Variants in SEMA5A observed in about 807,000 individuals in gnomAD.
SEMA5A encodes semaphorin-5A.
Under a neutral mutation model 135.5 loss-of-function variants are expected in SEMA5A, and 55 were observed. That is an observed-to-expected ratio of 0.41 (90% CI 0.33 to 0.51). The LOEUF is 0.51. Ranked by LOEUF, SEMA5A falls within the 20% of genes least tolerant of loss-of-function variation. The pLI is 0.37. For synonymous variants in SEMA5A, 580 were observed against 546.5 expected (o/e 1.06, Z -0.85); for missense variants, 1,290 against 1,419.9 (o/e 0.91, Z 1.47).
In SEMA5A at chr5:9,414,231, T is replaced by C. The variant is rs1015475436; in HGVS notation, c.-78+23525A>G. On this transcript the variant is annotated intron_variant, in intron 2 of 22. Transcript: ENST00000382496. ...CTTTAAAGGATACCATTAAACAACA[T>C]TAATTTCATTTACAATAAATGAAGC... Among the ~76,000 whole-genome samples the C allele has an allele frequency of 6.6e-5, 10 of 152,368 alleles. No homozygotes were observed. In the East Asian group the frequency reaches 1.7e-3, roughly 26 times the overall value.
rs577651907 is a variant in SEMA5A, at chr5:9,134,623, T to C, written c.1599+1881A>G. On this transcript the variant is annotated intron_variant, in intron 13 of 22. Transcript: ENST00000382496. Reference sequence around the variant, plus strand: ...AAGCTGCCTGCTGGGAAGCTCCCATTACAGATAGTAATAATTACATAATTA... The same window carrying C: ...AAGCTGCCTGCTGGGAAGCTCCCATCACAGATAGTAATAATTACATAATTA... Among the ~76,000 whole-genome samples, 6 of 152,346 alleles carry C rather than the reference T, an allele frequency of 3.9e-5. No individual in the cohort carries two copies. In the East Asian group the frequency reaches 9.7e-4, roughly 25 times the overall value.
intron 6 of SEMA5A, among the ~76,000 whole-genome samples, chr5:9,230,116 C>T (rs1251685091): frequency 6.6e-6 from 1 of 150,642 alleles, no homozygotes; most frequent in African/African-American, 2.4e-5. Flanking sequence ...TCCCAAGTAG[C>T]TCGGATTACA....
chr5:9,155,277 C>A (rs1742892495), intron 11 of SEMA5A, among the ~76,000 whole-genome samples: 1 of 152,142 alleles, frequency 6.6e-6, no homozygotes, highest in South Asian at 2.1e-4. Flanking sequence ...CTCAACTCCT[C>A]CAAACTTTCT....
chr5:9,222,574 C>G (rs1392487755), intron 8 of SEMA5A, among the ~76,000 whole-genome samples: 5 of 152,106 alleles, frequency 3.3e-5, no homozygotes, highest in Non-Finnish European at 7.4e-5. Flanking sequence ...AGTGGTAGAG[C>G]CACCGTATTG....
At chr5:9,498,353 A>G (rs1735406561) in intron 1 of SEMA5A, 1 of 152,218 alleles carries the variant, frequency 6.6e-6, no homozygotes, top group Non-Finnish European at 1.5e-5. Context: ...CCACGAGGGG[A>G]AAAGGACTTT....
chr5:9,292,816 G>A (rs1011471964), intron 5 of SEMA5A, among the ~76,000 whole-genome samples: 2 of 152,196 alleles, frequency 1.3e-5, no homozygotes, highest in Non-Finnish European at 2.9e-5. Flanking sequence ...ACGTGGAAGT[G>A]TCTAGAGACA....
At chr5:9,056,731 A>T (rs1479520582) in intron 18 of SEMA5A, among the ~76,000 whole-genome samples, 1 of 152,224 alleles carries the variant, frequency 6.6e-6, no homozygotes, top group Non-Finnish European at 1.5e-5. Flanking sequence ...AAAATAAAAA[A>T]ATGAAAATAG....
chr5:9,456,172 C>A (rs1255575744), intron 1 of SEMA5A, among the ~76,000 whole-genome samples: 1 of 152,204 alleles, frequency 6.6e-6, no homozygotes, highest in Non-Finnish European at 1.5e-5. Flanking sequence ...TTCCACTCAC[C>A]AGCTTCATCT....
chr5:9,399,568 T>C (rs1756557275), intron 2 of SEMA5A, among the ~76,000 whole-genome samples: 1 of 152,182 alleles, frequency 6.6e-6, no homozygotes, highest in Non-Finnish European at 1.5e-5. Flanking sequence ...TCTGTGAATG[T>C]ATGAAAAATT....
intron 2 of SEMA5A, among the ~76,000 whole-genome samples, chr5:9,403,920 TTGTTTGTTTGTTTGTC>T (rs1662854114): frequency 6.7e-6 from 1 of 150,228 alleles, no homozygotes; most frequent in African/African-American, 2.5e-5. Flanking sequence ...GTGAATCAGT[TTGTTTGTTTGTTTGTC>T]TGTTTGTTTG....
At chr5:9,257,963 T>G (rs956805878) in intron 5 of SEMA5A, among the ~76,000 whole-genome samples, 2 of 152,028 alleles carry the variant, frequency 1.3e-5, no homozygotes, top group African/African-American at 4.8e-5. Context: ...TTTCCTTCCT[T>G]CGAGGCTATA....
intron 2 of SEMA5A, among the ~76,000 whole-genome samples, chr5:9,396,379 A>G (rs1756402570): frequency 6.6e-6 from 1 of 152,134 alleles, no homozygotes; most frequent in Non-Finnish European, 1.5e-5. Flanking sequence ...TGTGCTGGGT[A>G]TATTTTCTTG....
chr5:9,294,992 T>A (rs1001358811), intron 5 of SEMA5A, among the ~76,000 whole-genome samples: 2 of 152,038 alleles, frequency 1.3e-5, no homozygotes. Flanking sequence ...CTGTCTTCCA[T>A]CCCTATAACT....
intron 2 of SEMA5A, among the ~76,000 whole-genome samples, chr5:9,412,200 G>A (rs1757123894): frequency 6.6e-6 from 1 of 151,896 alleles, no homozygotes; most frequent in Non-Finnish European, 1.5e-5. Context: ...GTGATTCCCC[G>A]TCTCAGTAAA....
chr5:9,209,642 T>C (rs1276010189), intron 8 of SEMA5A, among the ~76,000 whole-genome samples: 1 of 152,188 alleles, frequency 6.6e-6, no homozygotes, highest in Non-Finnish European at 1.5e-5. Context: ...TACTGTAGAA[T>C]AAGGAAACGT....
At chr5:9,449,588 A>G (rs1182748844) in intron 1 of SEMA5A, among the ~76,000 whole-genome samples, 2 of 152,140 alleles carry the variant, frequency 1.3e-5, no homozygotes, top group Non-Finnish European at 2.9e-5. Flanking sequence ...TTGAAGGAAA[A>G]AAAAAAAGAA....
chr5:9,103,861 C>T (rs1403591036), intron 16 of SEMA5A, among the ~76,000 whole-genome samples: 3 of 152,014 alleles, frequency 2.0e-5, no homozygotes, highest in African/African-American at 7.2e-5. Flanking sequence ...ATTTGTGTTA[C>T]GAGTTTATCT....
chr5:9,053,801 T>C (rs1419708400), intron 19 of SEMA5A: 4 of 288,864 alleles, frequency 1.4e-5, no homozygotes, highest in Admixed American at 1.0e-4. Flanking sequence ...GGAGATTGGG[T>C]GTTGTAACAT....
chr5:9,109,251 G>C (rs1038536879), intron 15 of SEMA5A, among the ~76,000 whole-genome samples: 1 of 151,372 alleles, frequency 6.6e-6, no homozygotes, highest in South Asian at 2.1e-4. Flanking sequence ...CGTTTTAGCC[G>C]GGATGGTCTC....
Sources: allele counts gnomAD v4.1 joint callset (sites outside exome capture counted in the v4.1 genomes callset), GRCh38; gene constraint gnomAD v4.1.1; transcripts MANE v1.5; gene names NCBI Gene and HGNC (gene_info 2026-07-23, HGNC 2026-07-21).